SPMIP2: variants seen among roughly 807,000 people sequenced by gnomAD.
SPMIP2 encodes protein SPMIP2.
chr4:159,068,181 A>T, the SPMIP2 span, among the ~76,000 whole-genome samples: 2 of 152,192 alleles, frequency 1.3e-5, no homozygotes, highest in Admixed American at 1.3e-4. Context: ...AAGGATTATA[A>T]ATCATGCTGC....
At chr4:158,916,619 A>ATATGTATGTATG in the SPMIP2 span, among the ~76,000 whole-genome samples, 125 of 150,732 alleles carry the variant, frequency 8.3e-4, no homozygotes, top group Middle Eastern at 3.4e-3. Flanking sequence ...ATGTATGTAC[A>ATATGTATGTATG]TATGTATGTA....
the SPMIP2 span, among the ~76,000 whole-genome samples, chr4:158,998,557 G>T: frequency 3.3e-5 from 5 of 152,128 alleles, no homozygotes; most frequent in Non-Finnish European, 5.9e-5. Flanking sequence ...TTCTGCCTTT[G>T]TGTTAATTGG....
At chr4:159,017,608 T>G in the SPMIP2 span, among the ~76,000 whole-genome samples, 1 of 152,174 alleles carries the variant, frequency 6.6e-6, no homozygotes, top group Non-Finnish European at 1.5e-5. Flanking sequence ...TGTTTTGGTG[T>G]GTCCTGCATG....
At chr4:159,029,185 G>T in the SPMIP2 span, among the ~76,000 whole-genome samples, 197 of 152,308 alleles carry the variant, frequency 1.3e-3, no homozygotes, top group African/African-American at 4.4e-3. Context: ...TGGAAGAATA[G>T]CCAGCAGATA....
At chr4:158,895,717 T>A in the SPMIP2 span, 1 of 1,350,702 alleles carries the variant, frequency 7.4e-7, no homozygotes, top group South Asian at 1.2e-5. Context: ...ATTTGACTTC[T>A]AGCCCTCATT....
the SPMIP2 span, among the ~76,000 whole-genome samples, chr4:158,894,113 T>C: frequency 6.6e-6 from 1 of 151,586 alleles, no homozygotes; most frequent in Admixed American, 6.6e-5. Flanking sequence ...GAAAGAGGAG[T>C]TTAAAAAGCC....
At chr4:159,072,426 A>T in the SPMIP2 span, among the ~76,000 whole-genome samples, 1 of 144,732 alleles carries the variant, frequency 6.9e-6, no homozygotes, top group African/African-American at 2.5e-5. Flanking sequence ...TGTTTTAATG[A>T]TGCTCATTGT....
chr4:158,916,445 C>T, the SPMIP2 span, among the ~76,000 whole-genome samples: 1 of 152,132 alleles, frequency 6.6e-6, no homozygotes, highest in Non-Finnish European at 1.5e-5. Flanking sequence ...TTCCTTCCTG[C>T]TCCTGAGAAT....
At chr4:158,935,411 C>T in the SPMIP2 span, among the ~76,000 whole-genome samples, 49 of 152,234 alleles carry the variant, frequency 3.2e-4, no homozygotes, top group African/African-American at 9.6e-4. Flanking sequence ...TTCATACCCA[C>T]GACACTTGGG....
chr4:159,045,453 T>C, the SPMIP2 span, among the ~76,000 whole-genome samples: 4 of 152,216 alleles, frequency 2.6e-5, no homozygotes, highest in Non-Finnish European at 5.9e-5. Flanking sequence ...GGTTGAAACC[T>C]TTCTTTATTA....
chr4:158,926,611 G>C, the SPMIP2 span, among the ~76,000 whole-genome samples: 1 of 151,936 alleles, frequency 6.6e-6, no homozygotes, highest in Non-Finnish European at 1.5e-5. Context: ...AAAGTTCCAT[G>C]AGCACTTGAA....
chr4:158,981,953 C>T, the SPMIP2 span, among the ~76,000 whole-genome samples: 2 of 151,846 alleles, frequency 1.3e-5, no homozygotes, highest in African/African-American at 4.8e-5. Flanking sequence ...AGAGTCAAGA[C>T]TCATCAGTGT....
At chr4:159,020,120 TAA>T in the SPMIP2 span, among the ~76,000 whole-genome samples, 10 of 141,758 alleles carry the variant, frequency 7.1e-5, no homozygotes, top group African/African-American at 7.7e-5. Context: ...ACTCCATCTT[TAA>T]AAAAAAAAAA....
At chr4:159,007,500 T>C in the SPMIP2 span, 3 of 782,694 alleles carry the variant, frequency 3.8e-6, no homozygotes, top group Non-Finnish European at 6.6e-6. Flanking sequence ...ATCCAGCACC[T>C]GATCCTCAAG....
chr4:159,052,867 C>T, the SPMIP2 span, among the ~76,000 whole-genome samples: 1 of 150,580 alleles, frequency 6.6e-6, no homozygotes, highest in Non-Finnish European at 1.5e-5. Context: ...AACTCCTGAC[C>T]TTAGGTGATC....
the SPMIP2 span, among the ~76,000 whole-genome samples, chr4:159,014,996 T>C: frequency 5.3e-5 from 8 of 152,256 alleles, no homozygotes; most frequent in Non-Finnish European, 8.8e-5. Flanking sequence ...CTTAATTTTT[T>C]CCATGTGTTA....
the SPMIP2 span, among the ~76,000 whole-genome samples, chr4:158,960,657 A>C: frequency 1.3e-5 from 2 of 152,164 alleles, no homozygotes; most frequent in Admixed American, 6.5e-5. Context: ...CTATGTCTAA[A>C]TAAGCGAGCA....
chr4:159,031,089 TTAAAC>T, the SPMIP2 span, among the ~76,000 whole-genome samples: 3 of 152,246 alleles, frequency 2.0e-5, no homozygotes, highest in African/African-American at 7.2e-5. Context: ...GGTACTTCAC[TTAAAC>T]TAATGTTTTT....
chr4:158,902,616 A>G, the SPMIP2 span, among the ~76,000 whole-genome samples: 1 of 152,182 alleles, frequency 6.6e-6, no homozygotes, highest in African/African-American at 2.4e-5. Flanking sequence ...TCTGTCCCAA[A>G]GAGATGGGGG....
Sources: allele counts gnomAD v4.1 joint callset (sites outside exome capture counted in the v4.1 genomes callset), GRCh38; gene constraint gnomAD v4.1.1; transcripts MANE v1.5; gene names NCBI Gene and HGNC (gene_info 2026-07-23, HGNC 2026-07-21).